TOGARAM2: variants seen among roughly 807,000 people sequenced by gnomAD.
TOGARAM2 encodes TOG array regulator of axonemal microtubules protein 2.
A neutral mutation model predicts 93.3 loss-of-function variants in TOGARAM2; 85 were observed. The observed-to-expected ratio is 0.91, with a 90% CI of 0.76 to 1.09. TOGARAM2 has a LOEUF of 1.09. TOGARAM2 is among the 50% of genes least tolerant of loss of function. TOGARAM2 has a pLI of 0.00. For synonymous variants in TOGARAM2, 593 were observed against 552.8 expected (o/e 1.07, Z -1.02); for missense variants, 1,277 against 1,334.5 (o/e 0.96, Z 0.67).
chr2:28,999,045 A>G, intron 3 of TOGARAM2, 136 bp from the exon 4 acceptor site: 3 of 881,790 alleles, frequency 3.4e-6, no homozygotes, highest in Non-Finnish European at 5.1e-6. Context: ...CCCAGGAGTG[A>G]CTGAAACATT....
At chr2:29,039,711 C>T (rs78858660) in intron 18 of TOGARAM2, among the ~76,000 whole-genome samples, 2,699 of 152,288 alleles carry the variant, frequency 0.018, 92 homozygotes, top group East Asian at 0.1. Context: ...GCCTTGAGGC[C>T]TCTCTGGGAT....
chr2:29,035,348 C>T, intron 16 of TOGARAM2, 116 bp from the exon 17 acceptor site: 1 of 947,810 alleles, frequency 1.1e-6, no homozygotes, highest in Non-Finnish European at 1.4e-6. Context: ...GACTAACCTG[C>T]AGGTGACACT....
chr2:28,999,029 C>G (rs1326779351), intron 3 of TOGARAM2, among the ~76,000 whole-genome samples, 152 bp from the exon 4 acceptor site: 3 of 152,180 alleles, frequency 2.0e-5, no homozygotes. Context: ...GAATGAATGA[C>G]TCGTCCCCAG....
In TOGARAM2 at chr2:29,032,953, G is replaced by T; in HGVS notation, c.2032G>T (p.Val678Leu). The change falls in exon 15 of 20, where the codon GTG becomes TTG. Residue 678 changes from valine to leucine, a missense_variant. Transcript: ENST00000379558. ...TGGCAGATTTTATGGCCGGAAGATG[G>T]TGAATATCTTGATGGCGAACACTAA... ...QDTRFYGRKM[V>L]NILMANTKFD... 1 of 1,613,752 alleles carries T rather than the reference G, an allele frequency of 6.2e-7. No individual in the cohort carries two copies.
At chr2:29,005,509 G>GTGTT (rs1673692745) in intron 6 of TOGARAM2, among the ~76,000 whole-genome samples, 1 of 142,424 alleles carries the variant, frequency 7.0e-6, no homozygotes, top group African/African-American at 2.6e-5. Flanking sequence ...GCATGTGTTT[G>GTGTT]TGTAACTACG....
intron 1 of TOGARAM2, among the ~76,000 whole-genome samples, chr2:28,967,214 TA>T (rs970279132): frequency 1.3e-5 from 2 of 152,102 alleles, no homozygotes; most frequent in African/African-American, 4.8e-5. Flanking sequence ...TTGTAAAAAT[TA>T]AAAAAACCCT....
chr2:28,976,364 C>G (rs1407622401), upstream of TOGARAM2, among the ~76,000 whole-genome samples: 11 of 152,128 alleles, frequency 7.2e-5, no homozygotes, highest in Admixed American at 5.2e-4. Context: ...GAGTGAGACT[C>G]CATCTCAAAA....
At position 29,026,708 on chromosome 2, in the gene TOGARAM2, C is replaced by T. The variant is rs1329526229; in HGVS notation, c.1854-145C>T. ...GTGAGTGCTCTTTCCTCAAAGATTCCCCTCAGCTCACATGGGGACAGGTAT... is the reference window on the plus strand; with the variant it reads ...GTGAGTGCTCTTTCCTCAAAGATTCTCCTCAGCTCACATGGGGACAGGTAT... On this transcript the variant is annotated intron_variant, in intron 13 of 19. Transcript: ENST00000379558. The T allele has an allele frequency of 3.5e-5, 29 of 822,158 alleles. No homozygotes were observed. The East Asian group carries it at 8.0e-4, about 23-fold the overall frequency. The allele number at this position is 822,158 out of a possible 1,614,324, so 50.9% of individuals were successfully genotyped here. A position where few individuals can be genotyped will look rare whatever the true frequency, so the allele number is the denominator to read the frequency against.
intron 13 of TOGARAM2, among the ~76,000 whole-genome samples, chr2:29,025,811 A>G (rs539931842): frequency 6.6e-6 from 1 of 152,318 alleles, no homozygotes; most frequent in Middle Eastern, 3.4e-3. Context: ...CAACTCACCC[A>G]TGAATCCCTC....
chr2:28,998,263 G>T lies in TOGARAM2; in HGVS notation c.139+10G>T, dbSNP rs762871112. 1 of 1,594,406 alleles carries T rather than the reference G, an allele frequency of 6.3e-7. No homozygotes were observed. Among genetic ancestry groups the T allele is most frequent in the East Asian group, 2.3e-5 (1 of 44,304 alleles). On this transcript the variant is annotated intron_variant, in intron 3 of 19. Transcript: ENST00000379558. ...CTGCCTCATGGAGAAGGTGAGATGGGAAGACCTCACCTGGTCAGGGCCCCT... is the reference window on the plus strand; with the variant it reads ...CTGCCTCATGGAGAAGGTGAGATGGTAAGACCTCACCTGGTCAGGGCCCCT...
At chr2:28,964,619 T>C (rs1671843168) in intron 1 of TOGARAM2, among the ~76,000 whole-genome samples, 1 of 152,112 alleles carries the variant, frequency 6.6e-6, no homozygotes, top group South Asian at 2.1e-4. Flanking sequence ...TAGCTATTTT[T>C]CCTAAAGCTC....
chr2:29,026,812 A>G, intron 13 of TOGARAM2, 41 bp from the exon 14 acceptor site: 1 of 1,518,990 alleles, frequency 6.6e-7, no homozygotes, highest in Non-Finnish European at 8.9e-7. Context: ...CTCCCACACC[A>G]CTATCCTGAG....
chr2:29,000,095 C>A (rs993624988), intron 4 of TOGARAM2, among the ~76,000 whole-genome samples: 1 of 152,056 alleles, frequency 6.6e-6, no homozygotes, highest in Non-Finnish European at 1.5e-5. Context: ...TCATTTTTTT[C>A]CTTCAGTTCT....
At chr2:29,025,933 G>A (rs1665325866) in intron 13 of TOGARAM2, among the ~76,000 whole-genome samples, 1 of 152,170 alleles carries the variant, frequency 6.6e-6, no homozygotes, top group South Asian at 2.1e-4. Flanking sequence ...AGGGAATCAG[G>A]ACTCCAGCCA....
At chr2:29,028,326 C>A (rs1572747734) in intron 14 of TOGARAM2, among the ~76,000 whole-genome samples, 1 of 152,128 alleles carries the variant, frequency 6.6e-6, no homozygotes, top group South Asian at 2.1e-4. Context: ...GTAGTGCCTG[C>A]GGTTCCTCCC....
intron 1 of TOGARAM2, among the ~76,000 whole-genome samples, chr2:28,965,753 C>G (rs1039651326): frequency 1.3e-5 from 2 of 152,172 alleles, no homozygotes; most frequent in Admixed American, 1.3e-4. Context: ...TGCCGTATGA[C>G]TTCCACTGCC....
At chr2:29,006,264 GGA>G (rs1302004392) in intron 6 of TOGARAM2, among the ~76,000 whole-genome samples, 2 of 148,562 alleles carry the variant, frequency 1.3e-5, no homozygotes, top group African/African-American at 5.0e-5. Flanking sequence ...GCATGTGTGT[GGA>G]GTGTATATGT....
chr2:29,024,511 T>G, intron 13 of TOGARAM2, 137 bp downstream of exon 13: 1 of 783,090 alleles, frequency 1.3e-6, no homozygotes, highest in Non-Finnish European at 2.1e-6. Context: ...CTGCAGGGGG[T>G]CCCTTGAGAT....
chr2:29,007,716 G>A (rs1663968766), intron 6 of TOGARAM2, among the ~76,000 whole-genome samples: 7 of 152,070 alleles, frequency 4.6e-5, no homozygotes, highest in South Asian at 2.1e-4. Context: ...GGACCCAGGC[G>A]CATAATGCTG....
Sources: allele counts gnomAD v4.1 joint callset (sites outside exome capture counted in the v4.1 genomes callset), GRCh38; gene constraint gnomAD v4.1.1; transcripts MANE v1.5; gene names NCBI Gene and HGNC (gene_info 2026-07-23, HGNC 2026-07-21).